Variants in CUL1 observed in about 807,000 individuals in gnomAD.
CUL1 encodes cullin-1.
Under a neutral mutation model 118.0 loss-of-function variants are expected in CUL1, and 24 were observed. That is an observed-to-expected ratio of 0.20 (90% CI 0.15 to 0.29). The LOEUF (loss-of-function observed/expected upper bound fraction) is 0.29, where lower values mean the gene tolerates loss of function less well. Among genes scored for constraint, CUL1 ranks in the 10% least tolerant of loss-of-function variants. The pLI, the probability that CUL1 is intolerant of heterozygous loss-of-function variation, is 1.00. For missense variants in CUL1, 361 were observed against 933.8 expected, an observed-to-expected ratio of 0.39 and a Z score of 7.99; for synonymous variants, 332 against 340.4, an observed-to-expected ratio of 0.98 and a Z score of 0.27.
chr7:148,764,871 T>TG (rs1421034318), intron 7 of CUL1, among the ~76,000 whole-genome samples: 3 of 152,248 alleles, frequency 2.0e-5, no homozygotes, highest in African/African-American at 7.2e-5. Context: ...ATTGGAATCA[T>TG]GGTATAGGTT....
intron 9 of CUL1, among the ~76,000 whole-genome samples, chr7:148,768,083 T>C (rs902691915): frequency 2.6e-5 from 4 of 152,186 alleles, no homozygotes; most frequent in Admixed American, 6.5e-5. Flanking sequence ...CCACTCACAG[T>C]CCACAGGTTG....
In CUL1 at chr7:148,758,937, G is replaced by A. The variant is rs115038408; in HGVS notation, c.484-367G>A. 2.6e-3 allele frequency among the ~76,000 whole-genome samples: 389 copies of A among 152,266 alleles called. 2 individuals carry two copies. Among genetic ancestry groups the A allele is most frequent in the African/African-American group, 8.9e-3 (369 of 41,548 alleles). The stretch of plus-strand genomic sequence containing the variant: ...TTCTTGAGACTCAAAAGTTGTTAGT[G>A]TAGGAATCAGGATGGTCTTGGTTCA... On this transcript the variant is annotated intron_variant, in intron 4 of 21. Transcript: ENST00000325222.
chr7:148,701,711 A>G (rs1460859050), intron 1 of CUL1, among the ~76,000 whole-genome samples: 2 of 152,236 alleles, frequency 1.3e-5, no homozygotes, highest in African/African-American at 4.8e-5. Flanking sequence ...TCAGAATGTC[A>G]TTCCCAGTAT....
intron 9 of CUL1, among the ~76,000 whole-genome samples, chr7:148,779,737 T>C (rs372898236): frequency 5.3e-5 from 8 of 152,204 alleles, no homozygotes; most frequent in African/African-American, 1.9e-4. Context: ...CAAGTTGTGA[T>C]GATTAATATT....
At chr7:148,797,911 G>T in intron 18 of CUL1, 26 bp from the exon 19 acceptor site, 1 of 1,610,708 alleles carries the variant, frequency 6.2e-7, no homozygotes, top group Non-Finnish European at 8.5e-7. Context: ...TCCTGAGATT[G>T]TAGAGTAACA....
chr7:148,741,266 A>G (rs565310423), intron 2 of CUL1, among the ~76,000 whole-genome samples: 18 of 152,314 alleles, frequency 1.2e-4, no homozygotes, highest in Non-Finnish European at 1.9e-4. Context: ...TTAGATGCCT[A>G]CAAGTGTTAT....
At chr7:148,783,670 A>G in intron 9 of CUL1, 113 bp from the exon 10 acceptor site, 1 of 1,561,238 alleles carries the variant, frequency 6.4e-7, no homozygotes, top group Non-Finnish European at 8.7e-7. Flanking sequence ...AACTTTGAAA[A>G]GGTATCTATA....
intron 1 of CUL1, among the ~76,000 whole-genome samples, chr7:148,722,031 A>G (rs1463960078): frequency 6.6e-6 from 1 of 152,262 alleles, no homozygotes; most frequent in Non-Finnish European, 1.5e-5. Flanking sequence ...TTAAAGTTTT[A>G]ATAAGTTATA....
intron 18 of CUL1, 28 bp from the exon 19 acceptor site, chr7:148,797,909 T>C (rs775034439): frequency 1.9e-6 from 3 of 1,610,278 alleles, no homozygotes; most frequent in Non-Finnish European, 2.5e-6. Flanking sequence ...TTTCCTGAGA[T>C]TGTAGAGTAA....
chr7:148,750,307 T>TC (rs1052771011), intron 2 of CUL1, among the ~76,000 whole-genome samples: 5 of 151,890 alleles, frequency 3.3e-5, no homozygotes, highest in African/African-American at 1.2e-4. Context: ...TTTTTTTTTT[T>TC]TTTAAATTAT....
intron 1 of CUL1, among the ~76,000 whole-genome samples, chr7:148,711,116 T>A (rs1798036864): frequency 6.6e-6 from 1 of 152,222 alleles, no homozygotes; most frequent in Non-Finnish European, 1.5e-5. Flanking sequence ...GAAGACATAC[T>A]CAAATCATTG....
Position 148,800,604 on chromosome 7 carries a change from G to C in CUL1, c.*22G>C. On this transcript the variant is annotated 3_prime_UTR_variant, in exon 22 of 22. Coordinates refer to ENST00000325222, the MANE Select transcript of CUL1 (RefSeq NM_003592.3). The surrounding 1 kb of genome is among the most constrained non-coding windows in gnomAD (Gnocchi z 4.6). ...TTAACCCTTCTGGAAGGGTCTGACTGTGTGACCCGCAGCAAATAGTTCATG... is the reference window on the plus strand; with the variant it reads ...TTAACCCTTCTGGAAGGGTCTGACTCTGTGACCCGCAGCAAATAGTTCATG... 6.4e-7 allele frequency: 1 copy of C among 1,558,766 alleles called. No homozygotes were observed. Among genetic ancestry groups the C allele is most frequent in the Non-Finnish European group, 8.8e-7 (1 of 1,131,490 alleles).
Position 148,759,634 on chromosome 7 carries a change from T to C in CUL1, c.621T>C (p.Ser207=). 6.3e-7 allele frequency: 1 copy of C among 1,574,834 alleles called. No individual in the cohort carries two copies. Among genetic ancestry groups the C allele is most frequent in the Non-Finnish European group, 8.6e-7 (1 of 1,157,218 alleles). ...NTRLISGVVQ[S]YVELGLNEDD... is the part of the protein sequence containing the mutation. ...GATTGATTAGTGGAGTTGTACAGTC[T>C]TACGGTAAATAATTTCCCTTTAGTT... is the stretch of plus-strand genomic sequence containing the variant. Residue 207 remains serine (S), a synonymous_variant, in exon 6 of 22, where the codon TCT becomes TCC. Transcript: ENST00000325222.
chr7:148,762,903 T>A (rs1486447766), intron 7 of CUL1, among the ~76,000 whole-genome samples: 2 of 152,188 alleles, frequency 1.3e-5, no homozygotes, highest in African/African-American at 4.8e-5. Flanking sequence ...TCCTAGCACT[T>A]TGGGAGGCCG....
chr7:148,761,779 A>G (rs569466120), intron 7 of CUL1, among the ~76,000 whole-genome samples: 152 of 152,336 alleles, frequency 1.0e-3, no homozygotes, highest in African/African-American at 3.1e-3. Flanking sequence ...TACAGGCTAC[A>G]GTTTGCTGAC....
intron 17 of CUL1, among the ~76,000 whole-genome samples, chr7:148,793,277 C>A (rs752395372): frequency 1.3e-5 from 2 of 152,076 alleles, no homozygotes; most frequent in Non-Finnish European, 2.9e-5. Context: ...ATTATTTTTC[C>A]TGCTAGCCAT....
At chr7:148,700,496 A>G (rs1461963888) in intron 1 of CUL1, among the ~76,000 whole-genome samples, 2 of 152,216 alleles carry the variant, frequency 1.3e-5, no homozygotes, top group Non-Finnish European at 2.9e-5. Flanking sequence ...TTTGAAAAAG[A>G]TATTTGGAGA....
At chr7:148,740,236 A>G (rs1022191123) in intron 2 of CUL1, among the ~76,000 whole-genome samples, 1 of 151,812 alleles carries the variant, frequency 6.6e-6, no homozygotes, top group Non-Finnish European at 1.5e-5. Context: ...TGTATTTTTA[A>G]CAGAGACAGG....
Position 148,753,996 on chromosome 7 carries a change from C to T in CUL1, c.161C>T (p.Thr54Ile). ...ELYTHVYNYCTSVHQSNQARG... is the reference protein window; with the variant it reads ...ELYTHVYNYCISVHQSNQARG... ...CCAAGTCATGTTTATAACTACTGTA[C>T]TAGTGTTCACCAGTCAAACCAAGCA... Residue 54 changes from threonine to isoleucine, a missense_variant, in exon 3 of 22, where the codon ACT becomes ATT. Thr to Ile is a moderately conservative substitution (Grantham distance 89, BLOSUM62 -1). Around this residue, in one of 7 missense-constraint regions of CUL1, gnomAD observed 13 missense variants for 56.5 expected, o/e 0.23. Coordinates refer to ENST00000325222, the MANE Select transcript of CUL1 (RefSeq NM_003592.3). 2 of 1,610,134 alleles carry T rather than the reference C, an allele frequency of 1.2e-6. No homozygotes were observed. Among genetic ancestry groups the T allele is most frequent in the Non-Finnish European group, 1.7e-6 (2 of 1,178,920 alleles).
Sources: gnomAD v4.1 joint callset for allele counts (sites outside exome capture counted in the v4.1 genomes callset) on GRCh38, gnomAD v4.1.1 for gene constraint, gnomAD v4.1.1 regional missense constraint, Gnocchi (gnomAD v3.1) non-coding constraint, MANE v1.5 for transcripts, NCBI Gene and HGNC (gene_info 2026-07-23, HGNC 2026-07-21) for gene names.